The following SLC9A9 variants were observed in gnomAD, a reference collection of about 807,000 sequenced individuals.
The protein encoded by SLC9A9 is sodium/hydrogen exchanger 9.
SLC9A9 carries 62 observed loss-of-function variants against 77.8 expected under a neutral mutation model. The observed-to-expected ratio is 0.80, with a 90% CI of 0.65 to 0.98. The LOEUF (loss-of-function observed/expected upper bound fraction) is 0.98. Among genes scored for constraint, SLC9A9 ranks in the 50% least tolerant of loss-of-function variants. The probability of loss-of-function intolerance (pLI) is 0.00; values close to 1 mark genes in which losing one functional copy is unlikely to be tolerated. For missense variants in SLC9A9, 775 were observed against 774.9 expected (o/e 1.00, Z 0.00); for synonymous variants, 320 against 283.5 (o/e 1.13, Z -1.29).
chr3:143,677,491 G>A (rs1932921925), intron 5 of SLC9A9, among the ~76,000 whole-genome samples: 1 of 152,094 alleles, frequency 6.6e-6, no homozygotes, highest in Non-Finnish European at 1.5e-5. Context: ...TTAAGAACTG[G>A]TGGTTTTACT....
At chr3:143,799,996 T>G (rs1047669092) in intron 2 of SLC9A9, among the ~76,000 whole-genome samples, 20 of 152,176 alleles carry the variant, frequency 1.3e-4, no homozygotes, top group African/African-American at 4.3e-4. Flanking sequence ...TAGACAATAC[T>G]CTTTTAAGCA....
At chr3:143,596,199 A>C (rs2037748466) in intron 6 of SLC9A9, among the ~76,000 whole-genome samples, 2 of 152,214 alleles carry the variant, frequency 1.3e-5, no homozygotes, top group African/African-American at 4.8e-5. Context: ...CCCATAGCTA[A>C]AGAAAAAAAT....
At chr3:143,793,644 C>T (rs2008285386) in intron 4 of SLC9A9, among the ~76,000 whole-genome samples, 1 of 152,182 alleles carries the variant, frequency 6.6e-6, no homozygotes, top group African/African-American at 2.4e-5. Context: ...GGGTGAAGGC[C>T]TGCTGGATCA....
intron 2 of SLC9A9, among the ~76,000 whole-genome samples, chr3:143,816,212 T>G (rs1010713527): frequency 7.9e-5 from 12 of 152,182 alleles, no homozygotes; most frequent in African/African-American, 2.7e-4. Context: ...ATTTTTACTT[T>G]ATTATATTCG....
intron 9 of SLC9A9, among the ~76,000 whole-genome samples, chr3:143,526,597 C>G (rs1386444697): frequency 6.6e-6 from 1 of 152,172 alleles, no homozygotes; most frequent in Non-Finnish European, 1.5e-5. Flanking sequence ...CATCCTGCCT[C>G]CTCACAGCAG....
In SLC9A9 at chr3:143,475,612, G is replaced by A. The variant is rs552092438; in HGVS notation, c.1316-8422C>T. ...TCGAGACCATCCTGGCTAACACGGTGAAACCCCGTCTCTACTACAAGTACA... is the reference window on the plus strand; with the variant it reads ...TCGAGACCATCCTGGCTAACACGGTAAAACCCCGTCTCTACTACAAGTACA... On this transcript the variant is annotated intron_variant, in intron 11 of 15. Transcript: ENST00000316549. Among the ~76,000 whole-genome samples the A allele has an allele frequency of 2.0e-3, 311 of 152,068 alleles. 2 individuals are homozygous for A. The highest frequency in any genetic ancestry group is 7.3e-3 in the African/African-American group (305 of 41,524).
chr3:143,552,039 A>G (rs983107325), intron 9 of SLC9A9, among the ~76,000 whole-genome samples: 1 of 152,276 alleles, frequency 6.6e-6, no homozygotes. Context: ...TAACTACACA[A>G]TCTCACATGC....
intron 4 of SLC9A9, among the ~76,000 whole-genome samples, chr3:143,779,137 A>G (rs1168290574): frequency 6.6e-6 from 1 of 152,150 alleles, no homozygotes; most frequent in Admixed American, 6.5e-5. Flanking sequence ...AAAAATTCAT[A>G]TATTATACTG....
Position 143,448,952 on chromosome 3 carries a change from TAATATAATTATATA to T in SLC9A9, c.1469+18071_1469+18084del, listed in dbSNP as rs1485593366. On this transcript the variant is annotated intron_variant, in intron 12 of 15. Transcript: ENST00000316549. ...AATATATAATATGATATATAATATA[TAATATAATTATATA>T]AATATAATTATATAAAAATAATTAT... Among the ~76,000 whole-genome samples, 2 of 9,916 alleles carry T rather than the reference TAATATAATTATATA, an allele frequency of 2.0e-4. 1 individual carries two copies. Among genetic ancestry groups the T allele is most frequent in the African/African-American group, 4.1e-3 (2 of 482 alleles). The allele number at this position is 9,916 out of a possible 152,430, so 6.5% of individuals were successfully genotyped here. A position where few individuals can be genotyped will look rare whatever the true frequency, so the allele number is the denominator to read the frequency against.
intron 6 of SLC9A9, among the ~76,000 whole-genome samples, chr3:143,614,312 C>T (rs2038069334): frequency 6.6e-6 from 1 of 152,164 alleles, no homozygotes; most frequent in South Asian, 2.1e-4. Flanking sequence ...CTTTTTCTCC[C>T]TCTCACCCTT....
intron 8 of SLC9A9, among the ~76,000 whole-genome samples, chr3:143,570,145 G>C (rs545420154): frequency 1.3e-3 from 204 of 152,004 alleles, no homozygotes; most frequent in African/African-American, 4.7e-3. Flanking sequence ...ACTACAATGT[G>C]ACAAAGATAA....
At chr3:143,372,810 A>AT (rs1033561071) in intron 13 of SLC9A9, among the ~76,000 whole-genome samples, 21 of 152,168 alleles carry the variant, frequency 1.4e-4, no homozygotes, top group African/African-American at 4.8e-4. Context: ...ATGAATAGAC[A>AT]TTTTTCAAAA....
intron 11 of SLC9A9, among the ~76,000 whole-genome samples, chr3:143,479,041 T>A (rs2035528330): frequency 6.6e-6 from 1 of 152,190 alleles, no homozygotes; most frequent in East Asian, 1.9e-4. Flanking sequence ...CTTTTATTAC[T>A]CAGTTCTCTC....
intron 11 of SLC9A9, among the ~76,000 whole-genome samples, chr3:143,492,380 T>A (rs1421727166): frequency 1.3e-5 from 2 of 151,864 alleles, no homozygotes; most frequent in African/African-American, 4.8e-5. Context: ...TGTCTGGAAA[T>A]GTAAGGAAGT....
intron 6 of SLC9A9, among the ~76,000 whole-genome samples, chr3:143,650,406 A>G (rs188527208): frequency 6.6e-6 from 1 of 152,320 alleles, no homozygotes; most frequent in East Asian, 1.9e-4. Context: ...TAAGTTTAAG[A>G]AGCAAATAAG....
chr3:143,433,557 A>G (rs2034568190), intron 12 of SLC9A9, among the ~76,000 whole-genome samples: 1 of 152,200 alleles, frequency 6.6e-6, no homozygotes, highest in African/African-American at 2.4e-5. Context: ...CTTGATTTAT[A>G]GCATTTGCCA....
chr3:143,282,046 T>A (rs1348523336), intron 14 of SLC9A9, among the ~76,000 whole-genome samples: 1 of 152,218 alleles, frequency 6.6e-6, no homozygotes, highest in Admixed American at 6.5e-5. Flanking sequence ...GCTTGGCACT[T>A]GGAAATCCTA....
At chr3:143,830,712 T>C (rs2009413073) in intron 2 of SLC9A9, among the ~76,000 whole-genome samples, 1 of 152,196 alleles carries the variant, frequency 6.6e-6, no homozygotes, top group African/African-American at 2.4e-5. Context: ...CTCAAGAATG[T>C]ATTTTAATTT....
At chr3:143,656,413 G>A (rs138866767) in intron 5 of SLC9A9, among the ~76,000 whole-genome samples, 1 of 151,904 alleles carries the variant, frequency 6.6e-6, no homozygotes, top group Non-Finnish European at 1.5e-5. Context: ...GTATCTCAAT[G>A]TGTTTACTCT....
Sources: gnomAD v4.1 joint callset for allele counts (sites outside exome capture counted in the v4.1 genomes callset) on GRCh38, gnomAD v4.1.1 for gene constraint, MANE v1.5 for transcripts, NCBI Gene and HGNC (gene_info 2026-07-23, HGNC 2026-07-21) for gene names.